The following PPP1R3B variants were observed in gnomAD, a reference collection of about 807,000 sequenced individuals.
PPP1R3B encodes protein phosphatase 1 regulatory subunit 3B, also known as PP1 subunit R4.
Under a neutral mutation model 14.6 loss-of-function variants are expected in PPP1R3B, and 8 were observed. The ratio of observed to expected loss-of-function variants is 0.55; its 90% CI spans 0.32 to 0.99. The LOEUF (loss-of-function observed/expected upper bound fraction) is 0.99, where lower values mean the gene tolerates loss of function less well. Ranked by LOEUF, PPP1R3B falls within the 50% of genes least tolerant of loss-of-function variation. The pLI is 0.04. For missense variants in PPP1R3B, 452 were observed against 360.1 expected, an observed-to-expected ratio of 1.26 and a Z score of -2.07; for synonymous variants, 169 against 142.0, an observed-to-expected ratio of 1.19 and a Z score of -1.35.
chr8:9,148,791 C>CGAAA (rs1199150090), intron 1 of PPP1R3B, among the ~76,000 whole-genome samples: 1 of 152,214 alleles, frequency 6.6e-6, no homozygotes, highest in African/African-American at 2.4e-5. Flanking sequence ...GAACTACTGA[C>CGAAA]TTTCTGGCTG....
chr8:9,142,645 C>T (rs1290514688), intron 1 of PPP1R3B, among the ~76,000 whole-genome samples: 1 of 152,060 alleles, frequency 6.6e-6, no homozygotes, highest in Non-Finnish European at 1.5e-5. Flanking sequence ...ATTTTGTATC[C>T]TTTGGCCAAA....
upstream of PPP1R3B, chr8:9,151,429 A>T (rs913838474): frequency 6.1e-5 from 10 of 162,836 alleles, no homozygotes; most frequent in Non-Finnish European, 9.4e-5. Context: ...AGCTGCCGTG[A>T]CGGCAGGAGC....
At chr8:9,148,693 A>C (rs1308795818) in intron 1 of PPP1R3B, among the ~76,000 whole-genome samples, 3 of 152,164 alleles carry the variant, frequency 2.0e-5, no homozygotes, top group African/African-American at 7.2e-5. Context: ...CACCTTCTCA[A>C]GACAGCTGGC....
rs755047828 is a variant in PPP1R3B at position 9,141,496 on chromosome 8, C to T, written c.156G>A (p.Pro52=). Residue 52 remains proline (P), a synonymous_variant, in exon 2 of 2, where the codon CCG becomes CCA. Transcript: ENST00000310455. ...SKNEASGMVA[P]AVQEKKVKKR... ...TTTTCACCTTCTTCTCCTGGACAGC[C>T]GGGGCCACCATTCCACTGGCTTCAT... The T allele has an allele frequency of 6.8e-6, 11 of 1,613,986 alleles. 1 individual carries two copies. The East Asian group carries it at 8.9e-5, about 13-fold the overall frequency.
chr8:9,148,619 G>A (rs1801313463), intron 1 of PPP1R3B, among the ~76,000 whole-genome samples: 1 of 152,142 alleles, frequency 6.6e-6, no homozygotes, highest in East Asian at 1.9e-4. Flanking sequence ...GCTAAGACAG[G>A]GCAAACCCTA....
rs1800907161 is a variant in PPP1R3B, at chr8:9,136,900, AAC to A, written c.*3892_*3893del. 6.6e-6 allele frequency: 1 copy of A among 152,214 alleles called. No individual in the cohort carries two copies. Among genetic ancestry groups the A allele is most frequent in the Non-Finnish European group, 1.5e-5 (1 of 68,038 alleles). The allele number at this position is 152,214 out of a possible 1,614,324, so 9.4% of individuals were successfully genotyped here. A position where few individuals can be genotyped will look rare whatever the true frequency, so the allele number is the denominator to read the frequency against. The stretch of plus-strand genomic sequence containing the variant: ...AGAAAATGGGCAGTTCCAAAAAAGG[AAC>A]ACTTTTTTGATTGATAAGCATATAT... On this transcript the variant is annotated 3_prime_UTR_variant, in exon 2 of 2. Transcript: ENST00000310455.
At chr8:9,145,844 T>C (rs1398386740) in intron 1 of PPP1R3B, among the ~76,000 whole-genome samples, 1 of 151,952 alleles carries the variant, frequency 6.6e-6, no homozygotes, top group Non-Finnish European at 1.5e-5. Flanking sequence ...CAAAAACCCA[T>C]CCCATCACTA....
At chr8:9,150,858 G>A (rs1801406721), upstream of PPP1R3B, among the ~76,000 whole-genome samples, 1 of 152,216 alleles carries the variant, frequency 6.6e-6, no homozygotes, top group Non-Finnish European at 1.5e-5. Context: ...AGGTCCCGTC[G>A]CCCTCGGTGG....
rs761789006 is a variant in PPP1R3B, at chr8:9,140,963, T to C, written c.689A>G (p.Tyr230Cys). Residue 230 changes from tyrosine (Y) to cysteine (C), a missense_variant, in exon 2 of 2, where the codon TAT becomes TGT. Coordinates refer to ENST00000310455, the MANE Select transcript of PPP1R3B (RefSeq NM_024607.4). ...TYWDSNRGKN[Y>C]RIIRAELKST... is the part of the protein sequence containing the mutation. ...TTTTAACTCAGCCCGGATGATCCTA[T>C]AGTTCTTGCCTCTGTTGCTGTCCCA... is the stretch of plus-strand genomic sequence containing the variant. 1.2e-6 allele frequency: 2 copies of C among 1,614,220 alleles called. No homozygotes were observed. The highest frequency in any genetic ancestry group is 8.5e-7 in the Non-Finnish European group (1 of 1,180,026).
rs1585338205 is a variant in PPP1R3B at position 9,140,820 on chromosome 8, A to G, written c.832T>C (p.Tyr278His). The G allele has an allele frequency of 6.2e-7, 1 of 1,613,908 alleles. No homozygotes were observed. Among genetic ancestry groups the G allele is most frequent in the African/African-American group, 1.3e-5 (1 of 74,880 alleles). The change falls in exon 2 of 2, where the codon TAT becomes CAT. Residue 278 changes from tyrosine to histidine, a missense_variant. Tyr to His is a moderately conservative substitution (Grantham distance 83, BLOSUM62 2). Transcript: ENST00000310455. ...TAGTAGTAGGGCCCTAGCTTTTCATATCCTAAGTAACTTGGCCACTCTGGA... is the reference window on the plus strand; with the variant it reads ...TAGTAGTAGGGCCCTAGCTTTTCATGTCCTAAGTAACTTGGCCACTCTGGA... ...LFPEWPSYLG[Y>H]EKLGPYY
At chr8:9,150,887 G>A (rs761648772), upstream of PPP1R3B, among the ~76,000 whole-genome samples, 2 of 152,248 alleles carry the variant, frequency 1.3e-5, no homozygotes, top group Admixed American at 6.5e-5. Context: ...CCTACCAAGT[G>A]TATTTCCTCG....
chr8:9,149,784 C>A (rs891350443), intron 1 of PPP1R3B, among the ~76,000 whole-genome samples: 40 of 152,206 alleles, frequency 2.6e-4, no homozygotes, highest in African/African-American at 8.9e-4. Flanking sequence ...TTGATCCTGT[C>A]CCCATCATCC....
At chr8:9,149,211 C>CA (rs1159925535) in intron 1 of PPP1R3B, among the ~76,000 whole-genome samples, 4 of 92,258 alleles carry the variant, frequency 4.3e-5, no homozygotes, top group East Asian at 6.6e-4. Flanking sequence ...AAAAAAAAGG[C>CA]AAAAAAAGGC....
chr8:9,141,496 C>G lies in PPP1R3B; in HGVS notation c.156G>C (p.Pro52=), dbSNP rs755047828. 6.2e-7 allele frequency: 1 copy of G among 1,614,104 alleles called. No individual in the cohort carries two copies. The highest frequency in any genetic ancestry group is 1.7e-5 in the Admixed American group (1 of 60,014). ...TTTTCACCTTCTTCTCCTGGACAGC[C>G]GGGGCCACCATTCCACTGGCTTCAT... The part of the protein sequence containing the change: ...SKNEASGMVA[P]AVQEKKVKKR... Residue 52 remains proline, a synonymous_variant, in exon 2 of 2, where the codon CCG becomes CCC. Transcript: ENST00000310455.
chr8:9,141,492 C>G lies in PPP1R3B; in HGVS notation c.160G>C (p.Val54Leu), dbSNP rs766535627. The G allele has an allele frequency of 1.2e-6, 2 of 1,614,062 alleles. No individual in the cohort carries two copies. Residue 54 changes from valine (V) to leucine (L), a missense_variant, in exon 2 of 2, where the codon GTC (valine) becomes CTC (leucine). Val to Leu is a conservative substitution (Grantham distance 32, BLOSUM62 1). Transcript: ENST00000310455. ...CGCTTTTTCACCTTCTTCTCCTGGA[C>G]AGCCGGGGCCACCATTCCACTGGCT... ...NEASGMVAPA[V>L]QEKKVKKRVS... is the part of the protein sequence containing the mutation.
intron 1 of PPP1R3B, among the ~76,000 whole-genome samples, chr8:9,145,644 A>G (rs747153746): frequency 2.0e-5 from 3 of 152,198 alleles, no homozygotes; most frequent in Admixed American, 6.5e-5. Flanking sequence ...ATGTTGTCCA[A>G]GGATCAACTG....
intron 1 of PPP1R3B, among the ~76,000 whole-genome samples, chr8:9,149,033 A>C (rs942613195): frequency 3.5e-5 from 5 of 143,828 alleles, no homozygotes; most frequent in African/African-American, 1.3e-4. Flanking sequence ...TAAAAATACA[A>C]AAAAAAAAAA....
At chr8:9,150,199 T>C (rs1448428611) in intron 1 of PPP1R3B, among the ~76,000 whole-genome samples, 2 of 152,144 alleles carry the variant, frequency 1.3e-5, no homozygotes, top group Non-Finnish European at 2.9e-5. Context: ...TCTCTTCTGC[T>C]GCACCCTGGG....
intron 1 of PPP1R3B, chr8:9,142,289 G>A (rs1801114447): frequency 6.5e-6 from 1 of 152,738 alleles, no homozygotes; most frequent in African/African-American, 2.4e-5. Context: ...GTAGAGACAG[G>A]ACTCGCTATG....
Sources: gnomAD v4.1 joint callset for allele counts (sites outside exome capture counted in the v4.1 genomes callset) on GRCh38, gnomAD v4.1.1 for gene constraint, MANE v1.5 for transcripts, NCBI Gene and HGNC (gene_info 2026-07-23, HGNC 2026-07-21) for gene names.